Variants in UTP20 observed in about 807,000 individuals in gnomAD.
The protein encoded by UTP20 is small subunit processome component 20 homolog.
Under a neutral mutation model 329.5 loss-of-function variants are expected in UTP20, and 164 were observed. That is an observed-to-expected ratio of 0.50 (90% CI 0.44 to 0.57). UTP20 has a LOEUF of 0.57. UTP20 is among the 20% of genes least tolerant of loss of function. The pLI is 0.00. For synonymous variants in UTP20, 1,151 were observed against 1,159.3 expected (o/e 0.99, Z 0.14); for missense variants, 3,055 against 3,284.2 (o/e 0.93, Z 1.71).
At position 101,310,595 on chromosome 12, in the gene UTP20, A is replaced by AAAAAAAAAAAAAAAAAAAAG. The variant is rs1330692306; in HGVS notation, c.2231+759_2231+760insAAAAAAAAAAAAAAAAGAAA. On this transcript the variant is annotated intron_variant, in intron 19 of 61. Transcript: ENST00000261637. ...TGTCTCCCAAAAAAAAAAAAAAAAA[A>AAAAAAAAAAAAAAAAAAAAG]AAATACATGTTATGGCTCATGTGTA... is the stretch of plus-strand genomic sequence containing the variant. Among the ~76,000 whole-genome samples the AAAAAAAAAAAAAAAAAAAAG allele has an allele frequency of 1.8e-4, 22 of 121,640 alleles. 2 individuals carry two copies. Among genetic ancestry groups the AAAAAAAAAAAAAAAAAAAAG allele is most frequent in the Non-Finnish European group, 3.2e-4 (16 of 49,796 alleles). The allele number at this position is 121,640 out of a possible 152,430, so 79.8% of individuals were successfully genotyped here.
chr12:101,350,809 T>G (rs541685537), intron 38 of UTP20, among the ~76,000 whole-genome samples: 1 of 152,152 alleles, frequency 6.6e-6, no homozygotes, highest in South Asian at 2.1e-4. Flanking sequence ...TTTTCCCGTG[T>G]CTTCCTTACT....
intron 18 of UTP20, 72 bp downstream of exon 18, chr12:101,308,415 T>A: frequency 1.0e-6 from 1 of 987,686 alleles, no homozygotes; most frequent in Non-Finnish European, 1.3e-6. Flanking sequence ...GCACATCAAG[T>A]AGTCACCAAA....
Position 101,380,949 on chromosome 12 carries a change from A to G in UTP20, c.7585-191A>G, listed in dbSNP as rs543635647. Among the ~76,000 whole-genome samples, 363 of 152,074 alleles carry G rather than the reference A, an allele frequency of 2.4e-3. 1 individual carries two copies. The highest frequency in any genetic ancestry group is 8.3e-3 in the African/African-American group (345 of 41,474). On this transcript the variant is annotated intron_variant, in intron 57 of 61. Transcript: ENST00000261637. ...AAGTATCCCATTTATTTGGGATGAA[A>G]TGCTTAGGGCAGGTAGAAGGGAGCA...
At chr12:101,303,539 A>G (rs564786256) in intron 15 of UTP20, among the ~76,000 whole-genome samples, 2 of 152,296 alleles carry the variant, frequency 1.3e-5, no homozygotes, top group African/African-American at 4.8e-5. Context: ...TGGAGGCGAC[A>G]TGAATGCCAA....
At chr12:101,327,640 A>G (rs1868612276) in intron 26 of UTP20, among the ~76,000 whole-genome samples, 1 of 152,194 alleles carries the variant, frequency 6.6e-6, no homozygotes, top group African/African-American at 2.4e-5. Context: ...TCTATTCGGT[A>G]ATGATTTATT....
At chr12:101,307,736 T>A (rs1872679276) in intron 17 of UTP20, among the ~76,000 whole-genome samples, 1 of 152,200 alleles carries the variant, frequency 6.6e-6, no homozygotes, top group Non-Finnish European at 1.5e-5. Context: ...AATGTCTTAT[T>A]TAGCCATTTT....
intron 45 of UTP20, among the ~76,000 whole-genome samples, chr12:101,364,101 A>G (rs1480458264): frequency 6.6e-6 from 1 of 152,146 alleles, no homozygotes; most frequent in Non-Finnish European, 1.5e-5. Flanking sequence ...TCCATGTTTG[A>G]AATTTTATTA....
At chr12:101,383,502 A>T (rs1371392469) in intron 59 of UTP20, 41 bp from the exon 60 acceptor site, 2 of 1,600,850 alleles carry the variant, frequency 1.2e-6, no homozygotes, top group African/African-American at 2.7e-5. Context: ...TGAGTGCTAA[A>T]GAGAAGTCTT....
intron 11 of UTP20, among the ~76,000 whole-genome samples, chr12:101,294,535 G>A (rs1259113076): frequency 3.6e-5 from 5 of 137,284 alleles, no homozygotes; most frequent in Non-Finnish European, 6.2e-5. Flanking sequence ...ATACATTCTC[G>A]TTTTTCTTTT....
In UTP20 at chr12:101,343,066, T is replaced by A. The variant is rs1055435339; in HGVS notation, c.4422T>A (p.Val1474=). 6.2e-7 allele frequency: 1 copy of A among 1,609,280 alleles called. No homozygotes were observed. Among genetic ancestry groups the A allele is most frequent in the Non-Finnish European group, 8.5e-7 (1 of 1,177,334 alleles). The change falls in exon 35 of 62, where the codon GTT becomes GTA. Residue 1474 remains valine, a synonymous_variant. Transcript: ENST00000261637. ...TGGATGTTAACTACCTAATTCCAGT[T>A]ATGCATAATTGTTTCTATAATCTAG... The part of the protein sequence containing the change: ...QIVDVNYLIP[V]MHNCFYNLEL...
rs1223114627 is a variant in UTP20, at chr12:101,386,109, G to C, written c.8344G>C (p.Ala2782Pro). 1 of 1,605,624 alleles carries C rather than the reference G, an allele frequency of 6.2e-7. No homozygotes were observed. The highest frequency in any genetic ancestry group is 1.8e-5 in the Admixed American group (1 of 56,982). The change falls in exon 62 of 62, where the codon GCA (alanine) becomes CCA (proline). Residue 2782 changes from alanine (A) to proline (P), a missense_variant. Ala to Pro is a conservative substitution (Grantham distance 27, BLOSUM62 -1). Coordinates refer to ENST00000261637, the MANE Select transcript of UTP20 (RefSeq NM_014503.3). ...AAAAAGCCATAGCCTGAAAGATTTA[G>C]CAATGGTGGAGTAATGTCTCCCTGT... is the stretch of plus-strand genomic sequence containing the variant. ...RQKSHSLKDLAMVE is the reference protein window; with the variant it reads ...RQKSHSLKDLPMVE
chr12:101,373,815 G>C (rs955098531), intron 54 of UTP20, 48 bp downstream of exon 54: 5 of 1,574,056 alleles, frequency 3.2e-6, no homozygotes, highest in Non-Finnish European at 3.4e-6. Flanking sequence ...TTAGCTTTGG[G>C]GATCATAGTT....
At chr12:101,381,268 G>C in intron 58 of UTP20, 57 bp downstream of exon 58, 1 of 1,474,536 alleles carries the variant, frequency 6.8e-7, no homozygotes, top group Non-Finnish European at 9.5e-7. Context: ...ATGGTGGCTC[G>C]CGCCTGTAAT....
chr12:101,323,349 G>T (rs1436548408), intron 25 of UTP20, among the ~76,000 whole-genome samples: 1 of 152,120 alleles, frequency 6.6e-6, no homozygotes, highest in Non-Finnish European at 1.5e-5. Flanking sequence ...GAAAATTGAT[G>T]AAAATTTTAA....
chr12:101,339,120 C>G (rs1229825950), intron 31 of UTP20, among the ~76,000 whole-genome samples, 163 bp downstream of exon 31: 1 of 152,110 alleles, frequency 6.6e-6, no homozygotes, highest in East Asian at 1.9e-4. Flanking sequence ...CAAGACCAGC[C>G]TGACCAACAT....
chr12:101,312,715 C>T (rs1872835056), intron 21 of UTP20, among the ~76,000 whole-genome samples: 1 of 152,262 alleles, frequency 6.6e-6, no homozygotes, highest in Non-Finnish European at 1.5e-5. Context: ...GCTGGGATTA[C>T]AGGCGTGAGC....
In UTP20 at chr12:101,385,975, C is replaced by T. The variant is rs1240222580; in HGVS notation, c.8210C>T (p.Thr2737Ile). Residue 2737 changes from threonine (T) to isoleucine (I), a missense_variant, in exon 62 of 62, where the codon ACT (threonine) becomes ATT (isoleucine). Thr to Ile is a moderately conservative substitution (Grantham distance 89). Transcript: ENST00000261637. ...RKKRKALEFV[T>I]NPDIAAKKKM... ...TTCTATTCTCTTTTCCAGTTTGTAA[C>T]TAATCCTGATATTGCTGCCAAGAAA... The T allele has an allele frequency of 1.3e-6, 2 of 1,578,302 alleles. No individual in the cohort carries two copies. Among genetic ancestry groups the T allele is most frequent in the East Asian group, 2.2e-5 (1 of 44,670 alleles).
intron 32 of UTP20, among the ~76,000 whole-genome samples, chr12:101,340,819 A>T (rs1869097740): frequency 1.3e-5 from 2 of 152,082 alleles, no homozygotes; most frequent in South Asian, 2.1e-4. Context: ...AAGCGGAGAC[A>T]TCGTCATCTA....
chr12:101,354,297 A>T (rs1869642579), intron 40 of UTP20, among the ~76,000 whole-genome samples: 1 of 151,096 alleles, frequency 6.6e-6, no homozygotes. Flanking sequence ...AAAGAAATTC[A>T]ATCTGCAGTT....
Sources: gnomAD v4.1 joint callset for allele counts (sites outside exome capture counted in the v4.1 genomes callset) on GRCh38, gnomAD v4.1.1 for gene constraint, MANE v1.5 for transcripts, NCBI Gene and HGNC (gene_info 2026-07-23, HGNC 2026-07-21) for gene names.